IMPG1: variants seen among roughly 807,000 people sequenced by gnomAD.
IMPG1 encodes interphotoreceptor matrix proteoglycan 1.
Under a neutral mutation model 92.0 loss-of-function variants are expected in IMPG1, and 85 were observed. The observed-to-expected ratio is 0.92, with a 90% CI of 0.78 to 1.11. IMPG1 has a LOEUF of 1.11. Among genes scored for constraint, IMPG1 ranks in the 50% least tolerant of loss-of-function variants. The pLI is 0.00. For synonymous variants in IMPG1, 367 were observed against 334.1 expected, an observed-to-expected ratio of 1.10 and a Z score of -1.08; for missense variants, 1,022 against 956.0, an observed-to-expected ratio of 1.07 and a Z score of -0.91.
At chr6:75,975,365 GTAGTT>G (rs1415319518) in intron 12 of IMPG1, among the ~76,000 whole-genome samples, 1 of 152,188 alleles carries the variant, frequency 6.6e-6, no homozygotes, top group East Asian at 1.9e-4. Context: ...AAAAATTAAT[GTAGTT>G]TAGTTTGTCT....
rs1170592548 is a variant in IMPG1, at chr6:75,974,482, C to CT, written c.1292-23389dup. ...TTCTTTCTTTCTTTCTTTTTCTTTT[C>CT]TTTTTTTTTTTTTGAGATGAAGTTT... On this transcript the variant is annotated intron_variant, in intron 12 of 16. Coordinates refer to ENST00000369950, the MANE Select transcript of IMPG1 (RefSeq NM_001563.4). Among the ~76,000 whole-genome samples, 690 of 104,394 alleles carry CT rather than the reference C, an allele frequency of 6.6e-3. 6 individuals carry two copies. The highest frequency in any genetic ancestry group is 9.1e-3 in the African/African-American group (266 of 29,258). 68.5% of individuals were successfully genotyped at this position (104,394 alleles called of 152,430 possible).
intron 4 of IMPG1, 130 bp downstream of exon 4, chr6:76,034,185 T>A: frequency 1.2e-6 from 1 of 823,496 alleles, no homozygotes; most frequent in Non-Finnish European, 2.0e-6. Context: ...GAATTGTCTG[T>A]CAGAATAATC....
At chr6:75,967,926 T>C (rs1782336345) in intron 12 of IMPG1, among the ~76,000 whole-genome samples, 1 of 152,188 alleles carries the variant, frequency 6.6e-6, no homozygotes, top group Non-Finnish European at 1.5e-5. Context: ...TGAACCCTTT[T>C]TGAAACAATT....
rs139192386 is a variant in IMPG1 at position 75,947,426 on chromosome 6, T to C, written c.1932A>G (p.Ser644=). ...CAGCCTTGGTGAGGTTATACGGCACTGACTTAGCAAACTTCATTTTGCTAT... is the reference window on the plus strand; with the variant it reads ...CAGCCTTGGTGAGGTTATACGGCACCGACTTAGCAAACTTCATTTTGCTAT... ...IVNSKMKFAK[S]VPYNLTKAVH... is the part of the protein sequence containing the mutation. Residue 644 remains serine, a synonymous_variant, in exon 14 of 17, where the codon TCA becomes TCG. Coordinates refer to ENST00000369950, the MANE Select transcript of IMPG1 (RefSeq NM_001563.4). 7.7e-5 allele frequency: 125 copies of C among 1,613,796 alleles called. No individual in the cohort carries two copies. In the African/African-American group the frequency reaches 1.3e-3, roughly 17 times the overall value.
chr6:75,977,125 A>G (rs1782551210), intron 12 of IMPG1, among the ~76,000 whole-genome samples: 1 of 152,184 alleles, frequency 6.6e-6, no homozygotes, highest in African/African-American at 2.4e-5. Flanking sequence ...AAAACATACA[A>G]TAAATAATAG....
At chr6:76,027,944 T>A (rs1039528473) in intron 4 of IMPG1, among the ~76,000 whole-genome samples, 3 of 152,218 alleles carry the variant, frequency 2.0e-5, no homozygotes, top group Admixed American at 6.5e-5. Flanking sequence ...ACACCTGGCT[T>A]TTTGGATAGT....
At chr6:76,033,333 C>CA (rs1372534700) in intron 4 of IMPG1, among the ~76,000 whole-genome samples, 2 of 152,242 alleles carry the variant, frequency 1.3e-5, no homozygotes, top group Non-Finnish European at 2.9e-5. Context: ...GCCACTGATG[C>CA]AGTTCTTACC....
chr6:75,975,071 T>G (rs1247457273), intron 12 of IMPG1, among the ~76,000 whole-genome samples: 2 of 152,256 alleles, frequency 1.3e-5, no homozygotes, highest in African/African-American at 4.8e-5. Context: ...TGGATGTGCC[T>G]GTGCCAGGAA....
At position 75,924,615 on chromosome 6, in the gene IMPG1, A is replaced by C. The variant is rs1197088278; in HGVS notation, c.2244-909T>G. On this transcript the variant is annotated intron_variant, in intron 15 of 16. Coordinates refer to ENST00000369950, the MANE Select transcript of IMPG1 (RefSeq NM_001563.4). ...ATATTATATATAATTAATTATATAT[A>C]ATATATAATAAATTATATATTATAT... 3.6e-4 allele frequency among the ~76,000 whole-genome samples: 9 copies of C among 25,218 alleles called. 2 individuals carry two copies. Among genetic ancestry groups the C allele is most frequent in the African/African-American group, 1.1e-3 (9 of 7,966 alleles). The allele number at this position is 25,218 out of a possible 152,430, so 16.5% of individuals were successfully genotyped here.
chr6:75,949,562 C>T (rs1342355201), intron 13 of IMPG1, among the ~76,000 whole-genome samples: 1 of 152,188 alleles, frequency 6.6e-6, no homozygotes. Context: ...TATTCCTTTA[C>T]TTTCTTAATA....
chr6:76,041,315 C>T (rs1783835119), intron 2 of IMPG1, among the ~76,000 whole-genome samples: 1 of 152,158 alleles, frequency 6.6e-6, no homozygotes, highest in African/African-American at 2.4e-5. Context: ...TGCTGGAAAC[C>T]ACTGTAATTG....
Position 75,921,566 on chromosome 6 carries a change from G to A in IMPG1, c.*523C>T, listed in dbSNP as rs893055078. On this transcript the variant is annotated 3_prime_UTR_variant, in exon 17 of 17. Transcript: ENST00000369950. ...AGTGTGCCTAATAACTGAATACTGA[G>A]GTTTGTGTTTATCAGACGTAGTGTG... 2 of 152,670 alleles carry A rather than the reference G, an allele frequency of 1.3e-5. No homozygotes were observed. Among genetic ancestry groups the A allele is most frequent in the Admixed American group, 1.3e-4 (2 of 15,280 alleles). 9.5% of individuals were successfully genotyped at this position (152,670 alleles called of 1,614,324 possible).
At chr6:76,056,624 G>A (rs970937825) in intron 1 of IMPG1, among the ~76,000 whole-genome samples, 1 of 152,072 alleles carries the variant, frequency 6.6e-6, no homozygotes, top group Non-Finnish European at 1.5e-5. Flanking sequence ...TTCCAAAATA[G>A]CCGTAGTAAT....
intron 1 of IMPG1, among the ~76,000 whole-genome samples, chr6:76,050,591 A>G (rs1378563965): frequency 1.3e-5 from 2 of 152,186 alleles, no homozygotes; most frequent in African/African-American, 4.8e-5. Flanking sequence ...CATAGGCCAC[A>G]TCATCTCCTT....
chr6:75,950,431 T>A, intron 13 of IMPG1, 131 bp downstream of exon 13: 1 of 768,670 alleles, frequency 1.3e-6, no homozygotes, highest in South Asian at 2.0e-5. Context: ...TTGAATGTCT[T>A]CAGCAACAGC....
chr6:76,002,903 T>C lies in IMPG1; in HGVS notation c.1291+15A>G. The C allele has an allele frequency of 1.3e-6, 2 of 1,597,706 alleles. No homozygotes were observed. Among genetic ancestry groups the C allele is most frequent in the Non-Finnish European group, 1.7e-6 (2 of 1,165,252 alleles). ...ATGTTGTCATCTAACATAGACTTTG[T>C]GAGGGGAAACTTACCAGGTAGACCA... On this transcript the variant is annotated intron_variant, in intron 12 of 16. Coordinates refer to ENST00000369950, the MANE Select transcript of IMPG1 (RefSeq NM_001563.4).
chr6:75,993,304 A>C (rs1046700024), intron 12 of IMPG1, among the ~76,000 whole-genome samples: 1 of 152,164 alleles, frequency 6.6e-6, no homozygotes, highest in Non-Finnish European at 1.5e-5. Flanking sequence ...GTAACAGAAT[A>C]CCATAGATCA....
intron 14 of IMPG1, among the ~76,000 whole-genome samples, chr6:75,942,966 G>C (rs1050598066): frequency 6.6e-6 from 1 of 152,036 alleles, no homozygotes; most frequent in Non-Finnish European, 1.5e-5. Flanking sequence ...TAAATTTCAT[G>C]TTCACAAAGT....
At chr6:75,975,877 A>C (rs544925868) in intron 12 of IMPG1, among the ~76,000 whole-genome samples, 15 of 152,370 alleles carry the variant, frequency 9.8e-5, no homozygotes, top group Admixed American at 8.5e-4. Flanking sequence ...GCTACATTCC[A>C]ATAAAAGTTC....
Sources: gnomAD v4.1 joint callset for allele counts (sites outside exome capture counted in the v4.1 genomes callset) on GRCh38, gnomAD v4.1.1 for gene constraint, MANE v1.5 for transcripts, NCBI Gene and HGNC (gene_info 2026-07-23, HGNC 2026-07-21) for gene names.